Variants in SPATA6 observed in about 807,000 individuals in gnomAD.
SPATA6 encodes the protein spermatogenesis associated 6, also known as spermatogenesis-associated protein 6.
SPATA6 carries 56 observed loss-of-function variants against 65.3 expected under a neutral mutation model. The ratio of observed to expected loss-of-function variants is 0.86; its 90% CI spans 0.69 to 1.07. SPATA6 has a LOEUF of 1.07. SPATA6 is among the 50% of genes least tolerant of loss of function. The pLI is 0.00. For missense variants in SPATA6, 590 were observed against 594.8 expected, an observed-to-expected ratio of 0.99 and a Z score of 0.08; for synonymous variants, 199 against 213.2, an observed-to-expected ratio of 0.93 and a Z score of 0.58.
rs186891062 is a variant in SPATA6, at chr1:48,306,887, C to T, written c.1195-1009G>A. ...TCTCGGTTTTATCATTATGAAGTAG[C>T]CTTTATTTCTGTAACTGCTTTTTTT... On this transcript the variant is annotated intron_variant, in intron 11 of 12. Coordinates refer to ENST00000371847, the MANE Select transcript of SPATA6 (RefSeq NM_019073.4). Among the ~76,000 whole-genome samples the T allele has an allele frequency of 2.5e-3, 382 of 151,824 alleles. 2 individuals carry two copies. The highest frequency in any genetic ancestry group is 8.9e-3 in the African/African-American group (369 of 41,482).
At chr1:48,415,380 T>C (rs1393721579) in intron 3 of SPATA6, among the ~76,000 whole-genome samples, 3 of 152,220 alleles carry the variant, frequency 2.0e-5, no homozygotes, top group Non-Finnish European at 2.9e-5. Flanking sequence ...AATCCTCCCT[T>C]CATAGCCTTT....
At chr1:48,449,626 G>C (rs762148895) in intron 3 of SPATA6, among the ~76,000 whole-genome samples, 16 of 152,326 alleles carry the variant, frequency 1.1e-4, no homozygotes, top group Non-Finnish European at 2.1e-4. Context: ...TAGGAAAAAA[G>C]AGAGAAATCG....
intron 3 of SPATA6, among the ~76,000 whole-genome samples, chr1:48,450,201 G>T (rs1656436294): frequency 6.6e-6 from 1 of 151,820 alleles, no homozygotes; most frequent in Non-Finnish European, 1.5e-5. Context: ...ATTATATAAG[G>T]AGAGACCATA....
Position 48,363,973 on chromosome 1 carries a change from C to A in SPATA6, c.910-4203G>T, listed in dbSNP as rs189887474. Among the ~76,000 whole-genome samples the A allele has an allele frequency of 2.1e-4, 32 of 152,022 alleles. No individual in the cohort carries two copies. The East Asian group carries it at 6.0e-3, about 29-fold the overall frequency. On this transcript the variant is annotated intron_variant, in intron 9 of 12. Coordinates refer to ENST00000371847, the MANE Select transcript of SPATA6 (RefSeq NM_019073.4). ...CCCCTTCCCCCACCTCACAACAGTC[C>A]CCAGAGTGTGATGTTCCCCTTCCTG...
At chr1:48,415,804 T>G (rs1652720719) in intron 3 of SPATA6, among the ~76,000 whole-genome samples, 1 of 150,360 alleles carries the variant, frequency 6.7e-6, no homozygotes, top group Admixed American at 6.6e-5. Flanking sequence ...TAATATCAGA[T>G]GCCAAACCAA....
At chr1:48,329,710 T>C (rs1230041365) in intron 11 of SPATA6, among the ~76,000 whole-genome samples, 1 of 152,068 alleles carries the variant, frequency 6.6e-6, no homozygotes, top group African/African-American at 2.4e-5. Context: ...TTGGAATCCA[T>C]CAGGGCAGAG....
chr1:48,455,254 T>C (rs746331287), intron 1 of SPATA6, among the ~76,000 whole-genome samples: 8 of 152,234 alleles, frequency 5.3e-5, no homozygotes, highest in Non-Finnish European at 7.3e-5. Flanking sequence ...AATGGGTTTT[T>C]AAGACTCAGT....
chr1:48,332,278 AC>A (rs1356202166), intron 11 of SPATA6, among the ~76,000 whole-genome samples: 1 of 152,166 alleles, frequency 6.6e-6, no homozygotes, highest in African/African-American at 2.4e-5. Context: ...ATTAAAACGC[AC>A]AAAGTGGCTG....
At chr1:48,278,758 G>A in the SPATA6 span, among the ~76,000 whole-genome samples, 1 of 152,188 alleles carries the variant, frequency 6.6e-6, no homozygotes, top group African/African-American at 2.4e-5. Context: ...AAAACACTCT[G>A]CAGGATATTA....
Position 48,451,584 on chromosome 1 carries a change from A to G in SPATA6, c.206T>C (p.Val69Ala). The G allele has an allele frequency of 6.2e-7, 1 of 1,612,812 alleles. No homozygotes were observed. The highest frequency in any genetic ancestry group is 1.1e-5 in the South Asian group (1 of 90,690). ...CTGTGTAACCACATCTCCAGGATCT[A>G]CTGCGTCCGGGAACACCTATAGTGA... The part of the protein sequence containing the change: ...MVFEKVFPDA[V>A]DPGDVVTQLE... Residue 69 changes from valine (V) to alanine (A), a missense_variant, in exon 3 of 13, where the codon GTA becomes GCA. Transcript: ENST00000371847.
intron 5 of SPATA6, among the ~76,000 whole-genome samples, chr1:48,408,753 C>A (rs1651937597): frequency 6.6e-6 from 1 of 152,112 alleles, no homozygotes; most frequent in Non-Finnish European, 1.5e-5. Flanking sequence ...TGGATGGTGG[C>A]AGACAAAGAG....
At chr1:48,325,670 C>T (rs1030036032) in intron 11 of SPATA6, 2 of 611,554 alleles carry the variant, frequency 3.3e-6, no homozygotes, top group African/African-American at 1.9e-5. Context: ...CCCCAGTAAG[C>T]CCCTGAGTTA....
At chr1:48,436,310 G>A (rs556998689) in intron 3 of SPATA6, 157 of 1,613,058 alleles carry the variant, frequency 9.7e-5, no homozygotes, top group Non-Finnish European at 1.2e-4. Context: ...CACTTTTTCC[G>A]GCATCCCAAT....
intron 11 of SPATA6, chr1:48,344,184 A>C (rs1646298132): frequency 6.6e-6 from 1 of 152,194 alleles, no homozygotes; most frequent in Non-Finnish European, 1.5e-5. Flanking sequence ...TTCTTGCAAA[A>C]CACTAACCAC....
downstream of SPATA6, among the ~76,000 whole-genome samples, chr1:48,290,840 C>T (rs1328224335): frequency 2.0e-5 from 3 of 152,180 alleles, no homozygotes; most frequent in Non-Finnish European, 4.4e-5. Flanking sequence ...CACCCAGATT[C>T]ATAAAGCAAG....
chr1:48,322,760 G>C (rs1469316408), intron 11 of SPATA6, among the ~76,000 whole-genome samples: 1 of 152,178 alleles, frequency 6.6e-6, no homozygotes, highest in Non-Finnish European at 1.5e-5. Flanking sequence ...AATGGGTGAA[G>C]GATATGAACA....
chr1:48,272,382 CT>C, the SPATA6 span, among the ~76,000 whole-genome samples: 3 of 152,138 alleles, frequency 2.0e-5, no homozygotes. Context: ...CACCATCCTA[CT>C]TCTACTTCTA....
intron 3 of SPATA6, chr1:48,437,339 G>C: frequency 6.7e-7 from 1 of 1,501,868 alleles, no homozygotes; most frequent in South Asian, 1.4e-5. Flanking sequence ...TGGTGCACTG[G>C]AGAATCTATT....
At chr1:48,363,174 T>G (rs1045429299) in intron 9 of SPATA6, among the ~76,000 whole-genome samples, 2 of 152,134 alleles carry the variant, frequency 1.3e-5, no homozygotes, top group African/African-American at 4.8e-5. Flanking sequence ...AATAAGGGGT[T>G]ACGAGGTAAA....
Sources: gnomAD v4.1 joint callset for allele counts (sites outside exome capture counted in the v4.1 genomes callset) on GRCh38, gnomAD v4.1.1 for gene constraint, MANE v1.5 for transcripts, NCBI Gene and HGNC (gene_info 2026-07-23, HGNC 2026-07-21) for gene names.